Variants in RIPOR3 observed in about 807,000 individuals in gnomAD.
RIPOR3 encodes family with sequence similarity 65 member C.
In RIPOR3, 95 loss-of-function variants were observed where a neutral mutation model predicts 114.3. That is an observed-to-expected ratio of 0.83 (90% CI 0.70 to 0.99). The LOEUF is 0.99. Ranked by LOEUF, RIPOR3 falls within the 50% of genes least tolerant of loss-of-function variation. The pLI is 0.00. For synonymous variants in RIPOR3, 575 were observed against 543.8 expected, an observed-to-expected ratio of 1.06 and a Z score of -0.80; for missense variants, 1,252 against 1,266.9, an observed-to-expected ratio of 0.99 and a Z score of 0.18.
At chr20:50,633,283 CA>C (rs1236543095) in intron 1 of RIPOR3, among the ~76,000 whole-genome samples, 1 of 142,940 alleles carries the variant, frequency 7.0e-6, no homozygotes, top group Non-Finnish European at 1.6e-5. Flanking sequence ...AAACAAAAAA[CA>C]AAAAATAGTC....
At chr20:50,640,019 CCGTA>C (rs2085131197) in intron 1 of RIPOR3, among the ~76,000 whole-genome samples, 1 of 149,542 alleles carries the variant, frequency 6.7e-6, no homozygotes, top group Admixed American at 6.7e-5. Flanking sequence ...GTTCATTAAC[CCGTA>C]TGGTGGCTTA....
At chr20:50,617,409 T>C (rs566559662) in intron 3 of RIPOR3, among the ~76,000 whole-genome samples, 4 of 152,172 alleles carry the variant, frequency 2.6e-5, no homozygotes, top group Non-Finnish European at 5.9e-5. Flanking sequence ...ACATGCTCTA[T>C]CGTCCATGCA....
intron 2 of RIPOR3, among the ~76,000 whole-genome samples, chr20:50,629,831 A>C (rs1191760444): frequency 6.6e-6 from 1 of 152,198 alleles, no homozygotes; most frequent in African/African-American, 2.4e-5. Flanking sequence ...CCCATTGCCT[A>C]GTCTTCCAGA....
intron 1 of RIPOR3, among the ~76,000 whole-genome samples, chr20:50,671,096 T>A (rs902084356): frequency 2.0e-5 from 3 of 152,014 alleles, no homozygotes; most frequent in Non-Finnish European, 2.9e-5. Flanking sequence ...CCTGGCTAAT[T>A]TTTGTATTTT....
At chr20:50,666,198 T>TTTTCC in intron 1 of RIPOR3, among the ~76,000 whole-genome samples, 2 of 96,754 alleles carry the variant, frequency 2.1e-5, no homozygotes, top group East Asian at 2.7e-4. Flanking sequence ...TTTTCTTTTC[T>TTTTCC]TTTCTTTTCT....
In RIPOR3 at chr20:50,602,344, A is replaced by C. The variant is rs1347247228; in HGVS notation, c.1387T>G (p.Ser463Ala). Residue 463 changes from serine to alanine, a missense_variant, in exon 13 of 22, where the codon TCT (serine) becomes GCT (alanine). Ser to Ala is a moderately conservative substitution (Grantham distance 99). Transcript: ENST00000327979. This position sits in a 1 kb window ranked among gnomAD's most constrained non-coding sequence, Gnocchi z 4.3. Reference protein sequence around the residue: ...PGLLPEMAHLSGGPFAEQPGW... With the variant: ...PGLLPEMAHLAGGPFAEQPGW... ...GGCTGCTCTGCAAACGGGCCTCCAG[A>C]GAGGTGGGCCATCTCTGGCAGGAGA... The C allele has an allele frequency of 6.2e-7, 1 of 1,613,728 alleles. No homozygotes were observed. The highest frequency in any genetic ancestry group is 1.3e-5 in the African/African-American group (1 of 74,940).
At chr20:50,641,526 G>C (rs999786511) in intron 1 of RIPOR3, among the ~76,000 whole-genome samples, 4 of 152,200 alleles carry the variant, frequency 2.6e-5, no homozygotes, top group African/African-American at 9.7e-5. Flanking sequence ...GGGACTACAG[G>C]TGTGAGCCCC....
intron 3 of RIPOR3, among the ~76,000 whole-genome samples, chr20:50,619,113 G>A (rs2084297120): frequency 6.6e-6 from 1 of 152,124 alleles, no homozygotes; most frequent in Admixed American, 6.6e-5. Context: ...TCGGTAGGCT[G>A]AGGCAAGAGC....
Position 50,691,262 on chromosome 20 carries a change from C to G in RIPOR3, c.-134G>C, listed in dbSNP as rs1332511138. On this transcript the variant is annotated 5_prime_UTR_variant, in exon 1 of 22. Transcript: ENST00000327979. Reference sequence around the variant, plus strand: ...GACTCGAGCTAGGGCTCTGCAAATTCCATCCACACTGGCCACCAGCCGCTG... The same window carrying G: ...GACTCGAGCTAGGGCTCTGCAAATTGCATCCACACTGGCCACCAGCCGCTG... 1 of 1,157,888 alleles carries G rather than the reference C, an allele frequency of 8.6e-7. No homozygotes were observed. Among genetic ancestry groups the G allele is most frequent in the Non-Finnish European group, 1.1e-6 (1 of 874,394 alleles). The allele number at this position is 1,157,888 out of a possible 1,614,324, so 71.7% of individuals were successfully genotyped here. A position where few individuals can be genotyped will look rare whatever the true frequency, so the allele number is the denominator to read the frequency against.
rs1052385556 is a variant in RIPOR3 at position 50,648,761 on chromosome 20, C to T, written c.4-17905G>A. Among the ~76,000 whole-genome samples the T allele has an allele frequency of 6.6e-5, 10 of 152,098 alleles. No homozygotes were observed. In the East Asian group the frequency reaches 1.2e-3, roughly 18 times the overall value. On this transcript the variant is annotated intron_variant, in intron 1 of 21. Coordinates refer to ENST00000327979, the MANE Select transcript of RIPOR3 (RefSeq NM_001290268.2). ...TAAGGAGCATGCAGCCGAGATCCCT[C>T]GCATGCGTAGTTCACAATAGGGTTC...
chr20:50,616,999 G>A (rs932050007), intron 3 of RIPOR3, among the ~76,000 whole-genome samples: 3 of 152,134 alleles, frequency 2.0e-5, no homozygotes, highest in Non-Finnish European at 4.4e-5. Flanking sequence ...AAACTTAGCC[G>A]GGCATGGTGG....
In RIPOR3 at chr20:50,689,154, T is replaced by A. The variant is rs151271253; in HGVS notation, c.3+1972A>T. Among the ~76,000 whole-genome samples the A allele has an allele frequency of 8.7e-5, 13 of 150,270 alleles. No individual in the cohort carries two copies. The East Asian group carries it at 2.6e-3, about 30-fold the overall frequency. On this transcript the variant is annotated intron_variant, in intron 1 of 21. Coordinates refer to ENST00000327979, the MANE Select transcript of RIPOR3 (RefSeq NM_001290268.2). ...TTCTCTAGGGAAGTGGTGGGGAGATTTACTCCTCTCCAAACTTCTTTTTTT... is the reference window on the plus strand; with the variant it reads ...TTCTCTAGGGAAGTGGTGGGGAGATATACTCCTCTCCAAACTTCTTTTTTT...
At chr20:50,625,297 C>T (rs1232679594) in intron 2 of RIPOR3, among the ~76,000 whole-genome samples, 1 of 152,176 alleles carries the variant, frequency 6.6e-6, no homozygotes, top group African/African-American at 2.4e-5. Flanking sequence ...GTCTTGAATT[C>T]CTGAGCTCAA....
chr20:50,669,308 A>C (rs2086377825), intron 1 of RIPOR3, among the ~76,000 whole-genome samples: 2 of 152,138 alleles, frequency 1.3e-5, no homozygotes, highest in African/African-American at 4.8e-5. Context: ...CATTACTCAT[A>C]GGCTTTCTCT....
chr20:50,625,355 A>C (rs751703151), intron 2 of RIPOR3, among the ~76,000 whole-genome samples: 1 of 152,152 alleles, frequency 6.6e-6, no homozygotes, highest in African/African-American at 2.4e-5. Flanking sequence ...TGCAGGCGTG[A>C]GCCACCACGC....
intron 1 of RIPOR3, among the ~76,000 whole-genome samples, chr20:50,660,787 C>T (rs1425090164): frequency 8.6e-6 from 1 of 116,804 alleles, no homozygotes; most frequent in African/African-American, 3.4e-5. Flanking sequence ...CAGGGTCTTG[C>T]TCTGTCACCC....
intron 2 of RIPOR3, 75 bp downstream of exon 2, chr20:50,630,663 G>A: frequency 7.6e-7 from 1 of 1,311,852 alleles, no homozygotes; most frequent in East Asian, 2.6e-5. Flanking sequence ...GCAGGAGGAG[G>A]ATGACCCTGC....
chr20:50,599,382 ACTCCGT>A (rs2083416356), intron 13 of RIPOR3, among the ~76,000 whole-genome samples: 1 of 150,716 alleles, frequency 6.6e-6, no homozygotes, highest in Non-Finnish European at 1.5e-5. Context: ...ACAGAGTGAG[ACTCCGT>A]CTCCAAAAAA....
intron 1 of RIPOR3, among the ~76,000 whole-genome samples, chr20:50,667,267 C>T (rs1160725407): frequency 7.0e-6 from 1 of 143,780 alleles, no homozygotes; most frequent in Admixed American, 7.0e-5. Context: ...CGGGTTTCTG[C>T]TTTAAGTTCT....
Sources: gnomAD v4.1 joint callset for allele counts (sites outside exome capture counted in the v4.1 genomes callset) on GRCh38, gnomAD v4.1.1 for gene constraint, Gnocchi (gnomAD v3.1) non-coding constraint, MANE v1.5 for transcripts, NCBI Gene and HGNC (gene_info 2026-07-23, HGNC 2026-07-21) for gene names.